The following ZFHX3 variants were observed in gnomAD, a reference collection of about 807,000 sequenced individuals.
ZFHX3 encodes zinc finger homeobox 3.
Under a neutral mutation model 279.1 loss-of-function variants are expected in ZFHX3, and 42 were observed. The observed-to-expected ratio is 0.15, with a 90% confidence interval of 0.12 to 0.19. The LOEUF (loss-of-function observed/expected upper bound fraction) is 0.19. ZFHX3 is among the 10% of genes least tolerant of loss of function. ZFHX3 has a pLI of 1.00. For synonymous variants in ZFHX3, 2,293 were observed against 1,957.8 expected (o/e 1.17, Z -4.52); for missense variants, 4,981 against 4,754.0 (o/e 1.05, Z -1.40).
chr16:73,684,691 G>T (rs1329926183), intron 1 of ZFHX3, among the ~76,000 whole-genome samples: 1 of 101,556 alleles, frequency 9.8e-6, no homozygotes, highest in Non-Finnish European at 2.1e-5. Flanking sequence ...CAATCACAAG[G>T]GTCCTTTTTT....
At chr16:73,559,117 G>A (rs1331961273) in intron 2 of ZFHX3, among the ~76,000 whole-genome samples, 4 of 151,658 alleles carry the variant, frequency 2.6e-5, no homozygotes, top group Admixed American at 6.6e-5. Context: ...GTGCTATCAC[G>A]GCTCACTGCA....
chr16:73,184,039 G>T (rs574041500), intron 5 of ZFHX3, among the ~76,000 whole-genome samples: 7 of 152,286 alleles, frequency 4.6e-5, no homozygotes, highest in African/African-American at 1.7e-4. Flanking sequence ...CTAAAGAAGA[G>T]GCCTGGTCTG....
intron 2 of ZFHX3, among the ~76,000 whole-genome samples, chr16:73,568,865 C>G (rs183351144): frequency 5.3e-5 from 8 of 152,180 alleles, no homozygotes; most frequent in African/African-American, 1.9e-4. Flanking sequence ...CTCCATGCCC[C>G]GCTGTCCGGC....
At chr16:73,057,341 G>A (rs1011064976) in intron 1 of ZFHX3, among the ~76,000 whole-genome samples, 1 of 152,160 alleles carries the variant, frequency 6.6e-6, no homozygotes. Context: ...AACCCTCCGA[G>A]TACTGAGTCC....
intron 3 of ZFHX3, among the ~76,000 whole-genome samples, chr16:73,383,515 G>A (rs1210009860): frequency 6.6e-6 from 1 of 152,192 alleles, no homozygotes; most frequent in African/African-American, 2.4e-5. Flanking sequence ...GCCGGGGAGA[G>A]GCAGCGGAGC....
chr16:73,835,527 A>ATGTTGC (rs1291739390), intron 1 of ZFHX3, among the ~76,000 whole-genome samples: 3 of 129,286 alleles, frequency 2.3e-5, no homozygotes, highest in African/African-American at 9.0e-5. Flanking sequence ...CTGGAGTGCA[A>ATGTTGC]TGTTGCAATC....
At chr16:73,112,821 A>G (rs1309335165) in intron 7 of ZFHX3, among the ~76,000 whole-genome samples, 1 of 151,316 alleles carries the variant, frequency 6.6e-6, no homozygotes, top group Non-Finnish European at 1.5e-5. Context: ...CCCCACCCAC[A>G]TTCCTCTGCA....
chr16:73,161,167 G>A (rs974299389), intron 5 of ZFHX3, among the ~76,000 whole-genome samples: 1 of 152,042 alleles, frequency 6.6e-6, no homozygotes, highest in Non-Finnish European at 1.5e-5. Flanking sequence ...TGTAGAGATG[G>A]GGTCTCCCTA....
intron 1 of ZFHX3, among the ~76,000 whole-genome samples, chr16:72,997,032 G>A (rs967485695): frequency 6.6e-5 from 10 of 152,130 alleles, no homozygotes. Context: ...CTGGTGCTCC[G>A]GAAAGAGAAC....
chr16:73,112,586 G>A (rs2144800193), intron 7 of ZFHX3, among the ~76,000 whole-genome samples: 1 of 151,872 alleles, frequency 6.6e-6, no homozygotes, highest in South Asian at 2.1e-4. Context: ...GGTGGCACAT[G>A]TCTGTAATCC....
At chr16:73,197,034 C>T (rs975605266) in intron 5 of ZFHX3, among the ~76,000 whole-genome samples, 1 of 152,132 alleles carries the variant, frequency 6.6e-6, no homozygotes, top group Non-Finnish European at 1.5e-5. Flanking sequence ...TTACCATCTT[C>T]TGATGGAAGG....
intron 7 of ZFHX3, among the ~76,000 whole-genome samples, chr16:73,109,727 T>C (rs1395859438): frequency 6.6e-6 from 1 of 152,116 alleles, no homozygotes; most frequent in African/African-American, 2.4e-5. Flanking sequence ...TGCACACCTG[T>C]AGTCCCAGCT....
chr16:72,932,749 A>G (rs1437499176), intron 3 of ZFHX3, among the ~76,000 whole-genome samples: 1 of 152,202 alleles, frequency 6.6e-6, no homozygotes, highest in East Asian at 1.9e-4. Context: ...TTATAAAAAT[A>G]ACGTCAGTTG....
intron 4 of ZFHX3, among the ~76,000 whole-genome samples, chr16:73,308,883 C>A (rs1337551318): frequency 1.3e-5 from 2 of 150,496 alleles, no homozygotes; most frequent in Non-Finnish European, 3.0e-5. Context: ...AAGTTAAGTA[C>A]AAAATTATAT....
intron 3 of ZFHX3, among the ~76,000 whole-genome samples, chr16:73,353,419 A>G (rs1470548831): frequency 6.6e-6 from 1 of 152,206 alleles, no homozygotes; most frequent in African/African-American, 2.4e-5. Context: ...CACACACTGG[A>G]TCATTTCTGA....
chr16:73,451,826 T>G (rs910211581), intron 3 of ZFHX3, among the ~76,000 whole-genome samples: 10 of 152,200 alleles, frequency 6.6e-5, no homozygotes, highest in African/African-American at 2.4e-4. Flanking sequence ...GTGTGCATAT[T>G]TTGAACATAT....
At chr16:72,856,726 A>G (rs2143868749) in intron 4 of ZFHX3, among the ~76,000 whole-genome samples, 1 of 152,278 alleles carries the variant, frequency 6.6e-6, no homozygotes, top group South Asian at 2.1e-4. Flanking sequence ...AAATGAAGTG[A>G]AATTAGTTCT....
intron 2 of ZFHX3, among the ~76,000 whole-genome samples, chr16:73,654,511 C>T (rs1200257449): frequency 6.6e-6 from 1 of 152,014 alleles, no homozygotes; most frequent in Non-Finnish European, 1.5e-5. Flanking sequence ...ATGACATACA[C>T]ACAAGAAAAA....
At chr16:73,189,950 TA>T (rs1198953783) in intron 5 of ZFHX3, among the ~76,000 whole-genome samples, 1 of 152,004 alleles carries the variant, frequency 6.6e-6, no homozygotes, top group Non-Finnish European at 1.5e-5. Context: ...AAAAAAAAAT[TA>T]AAAACTAAAA....
Sources: allele counts gnomAD v4.1 joint callset (sites outside exome capture counted in the v4.1 genomes callset), GRCh38; gene constraint gnomAD v4.1.1; transcripts MANE v1.5; gene names NCBI Gene and HGNC (gene_info 2026-07-23, HGNC 2026-07-21).